Variants in PRKCB observed in about 807,000 individuals in gnomAD.
PRKCB encodes the protein protein kinase C beta type.
In PRKCB, 13 loss-of-function variants were observed where a neutral mutation model predicts 81.5. The ratio of observed to expected loss-of-function variants is 0.16; its 90% confidence interval spans 0.10 to 0.25. The LOEUF (loss-of-function observed/expected upper bound fraction) is 0.25. PRKCB is among the 10% of genes least tolerant of loss of function. PRKCB has a pLI of 1.00. For missense variants in PRKCB, 509 were observed against 875.7 expected, an observed-to-expected ratio of 0.58 and a Z score of 5.29; for synonymous variants, 335 against 321.4, an observed-to-expected ratio of 1.04 and a Z score of -0.45.
At chr16:24,058,312 G>A (rs1478172423) in intron 5 of PRKCB, among the ~76,000 whole-genome samples, 1 of 152,068 alleles carries the variant, frequency 6.6e-6, no homozygotes, top group Non-Finnish European at 1.5e-5. Flanking sequence ...CCACTGGATG[G>A]AGAGCAAGAA....
intron 3 of PRKCB, among the ~76,000 whole-genome samples, chr16:23,991,355 G>A (rs571276899): frequency 6.6e-6 from 1 of 152,320 alleles, no homozygotes; most frequent in South Asian, 2.1e-4. Flanking sequence ...TGTTTGTCAT[G>A]TTCTCTCAGA....
intron 2 of PRKCB, among the ~76,000 whole-genome samples, chr16:23,985,367 G>A (rs1159550204): frequency 1.3e-5 from 2 of 152,164 alleles, no homozygotes; most frequent in South Asian, 2.1e-4. Context: ...AAAGTGCTAG[G>A]ATTACAGGCA....
intron 5 of PRKCB, among the ~76,000 whole-genome samples, chr16:24,044,861 T>C (rs1437589468): frequency 6.6e-6 from 1 of 152,242 alleles, no homozygotes; most frequent in Non-Finnish European, 1.5e-5. Flanking sequence ...CGTAAAAATA[T>C]ATTTAGTATG....
intron 2 of PRKCB, among the ~76,000 whole-genome samples, chr16:23,957,887 G>A (rs1351128508): frequency 6.6e-6 from 1 of 152,088 alleles, no homozygotes; most frequent in African/African-American, 2.4e-5. Flanking sequence ...ACCTCACACA[G>A]CTCTATATCT....
At chr16:23,839,421 G>A (rs1000273696) in intron 2 of PRKCB, among the ~76,000 whole-genome samples, 3 of 151,856 alleles carry the variant, frequency 2.0e-5, no homozygotes, top group African/African-American at 4.8e-5. Context: ...CTACAAGTAC[G>A]CACCACCATG....
At chr16:24,022,087 G>A (rs996223479) in intron 3 of PRKCB, among the ~76,000 whole-genome samples, 1 of 152,128 alleles carries the variant, frequency 6.6e-6, no homozygotes, top group Non-Finnish European at 1.5e-5. Flanking sequence ...ATTTCCAGGG[G>A]TGGGCGAGAT....
chr16:23,839,680 C>T (rs960576808), intron 2 of PRKCB, among the ~76,000 whole-genome samples: 13 of 152,088 alleles, frequency 8.5e-5, no homozygotes, highest in Non-Finnish European at 1.6e-4. Context: ...AAGTCCCTGT[C>T]GGTCTGAATC....
chr16:24,085,558 G>A (rs1228286671), intron 5 of PRKCB, among the ~76,000 whole-genome samples: 2 of 152,172 alleles, frequency 1.3e-5, no homozygotes, highest in Non-Finnish European at 2.9e-5. Flanking sequence ...AAGAGTGAGA[G>A]GACAACAGTT....
chr16:24,132,104 T>C (rs1415065971), intron 9 of PRKCB, among the ~76,000 whole-genome samples: 2 of 152,178 alleles, frequency 1.3e-5, no homozygotes, highest in African/African-American at 4.8e-5. Flanking sequence ...GCAAAGCTAC[T>C]CTTTGGAGAT....
At chr16:24,181,697 G>T (rs1967625005) in intron 13 of PRKCB, among the ~76,000 whole-genome samples, 2 of 146,186 alleles carry the variant, frequency 1.4e-5, no homozygotes, top group African/African-American at 5.1e-5. Flanking sequence ...AGCCCCAGGA[G>T]GTCCAGGCTG....
chr16:24,218,778 C>T lies in PRKCB; in HGVS notation c.*3962C>T. 1 of 985,454 alleles carries T rather than the reference C, an allele frequency of 1.0e-6. No homozygotes were observed. Among genetic ancestry groups the T allele is most frequent in the South Asian group, 4.7e-5 (1 of 21,290 alleles). The allele number at this position is 985,454 out of a possible 1,614,324, so 61.0% of individuals were successfully genotyped here. On this transcript the variant is annotated 3_prime_UTR_variant, in exon 17 of 17. Transcript: ENST00000643927. ...CCTTTATAATCTGAGGCAACTTTGG[C>T]TGCAGCCCGGGAATGTGCAGGGCAC... is the stretch of plus-strand genomic sequence containing the variant.
chr16:24,171,727 AATTATT>A (rs144391453), intron 10 of PRKCB, among the ~76,000 whole-genome samples: 1 of 151,818 alleles, frequency 6.6e-6, no homozygotes, highest in Non-Finnish European at 1.5e-5. Flanking sequence ...ATAAACTTGT[AATTATT>A]ATTATTATTA....
At chr16:24,131,062 G>C (rs60864361) in intron 9 of PRKCB, among the ~76,000 whole-genome samples, 2,176 of 152,302 alleles carry the variant, frequency 0.014, 90 homozygotes, top group East Asian at 0.12. Context: ...AAATCATGGA[G>C]CACGCCAGGT....
At chr16:24,040,105 G>A (rs1205503556) in intron 5 of PRKCB, among the ~76,000 whole-genome samples, 1 of 152,098 alleles carries the variant, frequency 6.6e-6, no homozygotes, top group Non-Finnish European at 1.5e-5. Context: ...GAGGTCAAAG[G>A]TTTTCTAACT....
intron 5 of PRKCB, among the ~76,000 whole-genome samples, chr16:24,087,249 C>A (rs777466526): frequency 1.3e-5 from 2 of 152,212 alleles, no homozygotes; most frequent in Non-Finnish European, 2.9e-5. Flanking sequence ...AATGCCTTCA[C>A]GCTTCTTTCT....
intron 2 of PRKCB, among the ~76,000 whole-genome samples, chr16:23,981,946 T>C (rs1457062258): frequency 3.9e-5 from 4 of 102,650 alleles, no homozygotes; most frequent in African/African-American, 7.4e-5. Flanking sequence ...CCCTTCCCTT[T>C]CCCTTCCCCT....
chr16:24,169,327 C>A (rs1357291067), intron 10 of PRKCB, among the ~76,000 whole-genome samples: 1 of 152,146 alleles, frequency 6.6e-6, no homozygotes, highest in Non-Finnish European at 1.5e-5. Context: ...CAGCGGTAAA[C>A]AAATTTTACA....
At chr16:23,947,368 A>G (rs1051038230) in intron 2 of PRKCB, among the ~76,000 whole-genome samples, 3 of 152,166 alleles carry the variant, frequency 2.0e-5, no homozygotes, top group African/African-American at 7.2e-5. Context: ...GCTGCGGAAG[A>G]TCTGGGACCT....
At chr16:24,214,197 C>T (rs1001064628) in intron 16 of PRKCB, among the ~76,000 whole-genome samples, 20 of 152,180 alleles carry the variant, frequency 1.3e-4, no homozygotes, top group Non-Finnish European at 2.6e-4. Flanking sequence ...TTTGAGGGGT[C>T]TGCTGCTATA....
Sources: gnomAD v4.1 joint callset for allele counts (sites outside exome capture counted in the v4.1 genomes callset) on GRCh38, gnomAD v4.1.1 for gene constraint, MANE v1.5 for transcripts, NCBI Gene and HGNC (gene_info 2026-07-23, HGNC 2026-07-21) for gene names.